Variants in MCC observed in about 807,000 individuals in gnomAD.
MCC encodes MCC regulator of Wnt signaling pathway.
Under a neutral mutation model 116.2 loss-of-function variants are expected in MCC, and 90 were observed. The observed-to-expected ratio is 0.77, with a 90% CI of 0.65 to 0.92. The LOEUF is 0.92. MCC is among the 40% of genes least tolerant of loss of function. The probability of loss-of-function intolerance (pLI) is 0.00; values close to 1 mark genes in which losing one functional copy is unlikely to be tolerated. For missense variants in MCC, 1,516 were observed against 1,312.2 expected (o/e 1.16, Z -2.40); for synonymous variants, 578 against 510.5 (o/e 1.13, Z -1.78).
At chr5:113,102,024 A>T in intron 7 of MCC, 79 bp from the exon 8 acceptor site, 1 of 1,381,970 alleles carries the variant, frequency 7.2e-7, no homozygotes, top group African/African-American at 1.4e-5. Flanking sequence ...GCTGAACAGG[A>T]ATAAATGTCC....
At chr5:113,464,429 C>T (rs1771839490) in intron 1 of MCC, among the ~76,000 whole-genome samples, 2 of 152,222 alleles carry the variant, frequency 1.3e-5, no homozygotes, top group African/African-American at 4.8e-5. Flanking sequence ...TTTCTTCCTT[C>T]ACAGAAATAA....
chr5:113,158,551 A>C (rs931029918), intron 3 of MCC, among the ~76,000 whole-genome samples: 2 of 152,178 alleles, frequency 1.3e-5, no homozygotes, highest in Non-Finnish European at 2.9e-5. Context: ...AATAATATTA[A>C]TAGTTACCGT....
chr5:113,089,942 A>G (rs549473504), intron 8 of MCC, among the ~76,000 whole-genome samples: 56 of 152,338 alleles, frequency 3.7e-4, no homozygotes, highest in African/African-American at 1.3e-3. Flanking sequence ...CGGAGCTGAC[A>G]ATGATATCAG....
intron 3 of MCC, among the ~76,000 whole-genome samples, chr5:113,247,814 C>G (rs1013774664): frequency 2.0e-5 from 3 of 152,028 alleles, no homozygotes; most frequent in African/African-American, 7.2e-5. Context: ...GTCACCATAA[C>G]CAGAGGGAGG....
intron 6 of MCC, among the ~76,000 whole-genome samples, chr5:113,109,087 T>A (rs529019094): frequency 9.2e-5 from 14 of 152,340 alleles, no homozygotes; most frequent in African/African-American, 3.1e-4. Context: ...CAGACAGAAC[T>A]GTCTTTCAGA....
intron 1 of MCC, among the ~76,000 whole-genome samples, chr5:113,408,861 G>A (rs1276724425): frequency 6.6e-6 from 1 of 152,102 alleles, no homozygotes; most frequent in Non-Finnish European, 1.5e-5. Flanking sequence ...CAGGCTTCAG[G>A]GCAGATGGCC....
At chr5:113,132,438 A>G (rs1215491371) in intron 5 of MCC, among the ~76,000 whole-genome samples, 2 of 70,838 alleles carry the variant, frequency 2.8e-5, no homozygotes, top group African/African-American at 1.0e-4. Context: ...ATATATATAT[A>G]TATATACACA....
chr5:113,187,721 C>T (rs1346539352), intron 3 of MCC, among the ~76,000 whole-genome samples: 1 of 148,010 alleles, frequency 6.8e-6, no homozygotes, highest in African/African-American at 2.5e-5. Context: ...CGCCACTGCA[C>T]TCCGGCCTGG....
intron 2 of MCC, among the ~76,000 whole-genome samples, chr5:113,374,474 C>G (rs1768931555): frequency 6.6e-6 from 1 of 152,092 alleles, no homozygotes; most frequent in Admixed American, 6.5e-5. Flanking sequence ...ATTTCTCAGT[C>G]TCTTCCACCA....
chr5:113,260,945 A>G (rs930919480), intron 3 of MCC, among the ~76,000 whole-genome samples: 2 of 152,046 alleles, frequency 1.3e-5, no homozygotes, highest in Non-Finnish European at 2.9e-5. Flanking sequence ...TAATAGCCTC[A>G]TTTCTGGGAA....
chr5:113,312,287 A>T (rs1465894266), intron 3 of MCC, among the ~76,000 whole-genome samples: 2 of 152,010 alleles, frequency 1.3e-5, no homozygotes, highest in African/African-American at 4.8e-5. Context: ...AAAAAAAAAA[A>T]CCTATAAAAC....
At chr5:113,182,153 A>C (rs1014412702) in intron 3 of MCC, among the ~76,000 whole-genome samples, 1 of 152,138 alleles carries the variant, frequency 6.6e-6, no homozygotes, top group Admixed American at 6.5e-5. Flanking sequence ...GGGTGATTTC[A>C]CCCCCACCAA....
At chr5:113,274,759 GTGGGTCTAATAC>G (rs1209168255) in intron 3 of MCC, among the ~76,000 whole-genome samples, 2 of 152,188 alleles carry the variant, frequency 1.3e-5, no homozygotes, top group Non-Finnish European at 2.9e-5. Context: ...CAATCCTTTG[GTGGGTCTAATAC>G]TGGGTGGGCT....
Position 113,059,968 on chromosome 5 carries a change from G to T in MCC, c.2213+4016C>A, listed in dbSNP as rs545384003. Among the ~76,000 whole-genome samples the T allele has an allele frequency of 2.4e-4, 36 of 152,244 alleles. 2 individuals are homozygous for T. In the South Asian group the frequency reaches 6.4e-3, roughly 27 times the overall value. On this transcript the variant is annotated intron_variant, in intron 14 of 18. Coordinates refer to ENST00000408903, the MANE Select transcript of MCC (RefSeq NM_001085377.2). ...CCTCTGTCCTCAAGACAGTCCCCCA[G>T]CCTGCTCATTAGAAGAAAAATTCAT...
At chr5:113,142,673 G>A (rs1257654429) in intron 5 of MCC, among the ~76,000 whole-genome samples, 1 of 152,164 alleles carries the variant, frequency 6.6e-6, no homozygotes, top group Admixed American at 6.5e-5. Flanking sequence ...TATGAGTCCA[G>A]TAAGAGGATA....
chr5:113,487,879 C>A (rs969570182), intron 1 of MCC, among the ~76,000 whole-genome samples: 1 of 152,186 alleles, frequency 6.6e-6, no homozygotes, highest in Non-Finnish European at 1.5e-5. Context: ...CATCTTGATG[C>A]CCAGGACCCC....
At chr5:113,294,672 A>C (rs1766653460) in intron 3 of MCC, 2 of 1,055,850 alleles carry the variant, frequency 1.9e-6, no homozygotes. Flanking sequence ...TCCCGCGCGC[A>C]CCCAGCGCCC....
chr5:113,127,321 T>C (rs1315944885), intron 5 of MCC, among the ~76,000 whole-genome samples: 1 of 152,242 alleles, frequency 6.6e-6, no homozygotes, highest in Non-Finnish European at 1.5e-5. Context: ...TTTGCATGCA[T>C]GTGTCTTTAT....
At chr5:113,226,006 C>G (rs1763720593) in intron 3 of MCC, among the ~76,000 whole-genome samples, 1 of 152,252 alleles carries the variant, frequency 6.6e-6, no homozygotes, top group Admixed American at 6.5e-5. Flanking sequence ...AACCCTGTCT[C>G]TATTAAAAAT....
Sources: allele counts gnomAD v4.1 joint callset (sites outside exome capture counted in the v4.1 genomes callset), GRCh38; gene constraint gnomAD v4.1.1; transcripts MANE v1.5; gene names NCBI Gene and HGNC (gene_info 2026-07-23, HGNC 2026-07-21).